The following DCC variants were observed in gnomAD, a reference collection of about 807,000 sequenced individuals.
DCC encodes netrin receptor DCC.
Under a neutral mutation model 172.5 loss-of-function variants are expected in DCC, and 58 were observed. That is an observed-to-expected ratio of 0.34 (90% CI 0.27 to 0.42). DCC has a LOEUF of 0.42. DCC is among the 10% of genes least tolerant of loss of function. DCC has a pLI of 1.00. For synonymous variants in DCC, 709 were observed against 644.5 expected (o/e 1.10, Z -1.52); for missense variants, 1,740 against 1,791.0 (o/e 0.97, Z 0.51).
intron 8 of DCC, among the ~76,000 whole-genome samples, chr18:53,174,770 C>T (rs926271408): frequency 1.2e-4 from 18 of 150,118 alleles, no homozygotes; most frequent in Admixed American, 4.0e-4. Flanking sequence ...AGTACCATTC[C>T]TTCTGAAACT....
chr18:53,396,069 A>G (rs1427143539), intron 17 of DCC, among the ~76,000 whole-genome samples: 1 of 152,064 alleles, frequency 6.6e-6, no homozygotes, highest in Non-Finnish European at 1.5e-5. Context: ...GAAATATACA[A>G]TTTTCATAAC....
chr18:53,415,731 A>G (rs1910274880), intron 20 of DCC, among the ~76,000 whole-genome samples: 1 of 152,094 alleles, frequency 6.6e-6, no homozygotes, highest in South Asian at 2.1e-4. Flanking sequence ...AGTTGTTTAA[A>G]AAATAGTCAC....
At chr18:52,402,068 A>G (rs546672629) in intron 1 of DCC, among the ~76,000 whole-genome samples, 1 of 152,108 alleles carries the variant, frequency 6.6e-6, no homozygotes, top group Non-Finnish European at 1.5e-5. Context: ...ATTACTTGTC[A>G]AGGGTTGCAT....
rs747096336 is a variant in DCC, at chr18:53,425,357, C to CTT, written c.3163+9220_3163+9221dup. On this transcript the variant is annotated intron_variant, in intron 21 of 28. Coordinates refer to ENST00000442544, the MANE Select transcript of DCC (RefSeq NM_005215.4). ...CCACAATTTTCCCCGTTTCTCCTCTCTTTTTTTTTTTTTTTTTTTTGAGAC... is the reference window on the plus strand; with the variant it reads ...CCACAATTTTCCCCGTTTCTCCTCTCTTTTTTTTTTTTTTTTTTTTTTGAGAC... Among the ~76,000 whole-genome samples the CTT allele has an allele frequency of 8.1e-3, 828 of 101,604 alleles. 51 individuals are homozygous for CTT. The East Asian group carries it at 0.16, about 20-fold the overall frequency. 66.7% of individuals were successfully genotyped at this position (101,604 alleles called of 152,430 possible). A position where few individuals can be genotyped will look rare whatever the true frequency, so the allele number is the denominator to read the frequency against.
intron 15 of DCC, among the ~76,000 whole-genome samples, chr18:53,359,727 T>G (rs1336083541): frequency 6.6e-6 from 1 of 152,196 alleles, no homozygotes; most frequent in East Asian, 1.9e-4. Flanking sequence ...CCCTAGGAAG[T>G]TCTGCCCTAC....
At chr18:52,593,842 CCT>C (rs2033852626) in intron 1 of DCC, among the ~76,000 whole-genome samples, 2 of 152,300 alleles carry the variant, frequency 1.3e-5, no homozygotes, top group South Asian at 4.1e-4. Flanking sequence ...CAAAATCACC[CCT>C]CTCAGGTTGA....
At chr18:52,642,062 G>T (rs1436465923) in intron 1 of DCC, among the ~76,000 whole-genome samples, 1 of 5,550 alleles carries the variant, frequency 1.8e-4, no homozygotes, top group African/African-American at 3.5e-4. Flanking sequence ...GTGTGTGTGT[G>T]TATATATATA....
intron 7 of DCC, among the ~76,000 whole-genome samples, chr18:53,145,132 T>TTTTTTTG (rs2043888924): frequency 7.3e-6 from 1 of 137,818 alleles, no homozygotes; most frequent in Non-Finnish European, 1.5e-5. Flanking sequence ...TTTTTTTTTT[T>TTTTTTTG]GAGACCGACT....
At chr18:53,071,639 G>C (rs961801075) in intron 7 of DCC, among the ~76,000 whole-genome samples, 6 of 152,190 alleles carry the variant, frequency 3.9e-5, no homozygotes, top group Non-Finnish European at 1.5e-5. Flanking sequence ...AGTTAATTCA[G>C]TTTAGTTGAT....
intron 2 of DCC, among the ~76,000 whole-genome samples, chr18:52,819,505 A>G (rs2038365146): frequency 6.6e-6 from 1 of 152,184 alleles, no homozygotes; most frequent in Non-Finnish European, 1.5e-5. Flanking sequence ...GAACATAATG[A>G]TTCATGTGGT....
At chr18:52,619,305 C>G (rs1029153510) in intron 1 of DCC, among the ~76,000 whole-genome samples, 10 of 152,108 alleles carry the variant, frequency 6.6e-5, no homozygotes, top group African/African-American at 1.4e-4. Context: ...AGCTAGTATC[C>G]CTGCTAGATA....
intron 25 of DCC, among the ~76,000 whole-genome samples, chr18:53,468,690 C>A (rs762814867): frequency 6.6e-6 from 1 of 152,094 alleles, no homozygotes; most frequent in Non-Finnish European, 1.5e-5. Flanking sequence ...TCCTCCATAG[C>A]TTTTTAAATA....
At chr18:52,681,611 A>T (rs938324627) in intron 1 of DCC, among the ~76,000 whole-genome samples, 15 of 152,252 alleles carry the variant, frequency 9.9e-5, no homozygotes, top group South Asian at 4.1e-4. Context: ...AACGTATATT[A>T]AATATCAAAG....
chr18:52,909,701 A>C (rs557614149), intron 3 of DCC, among the ~76,000 whole-genome samples: 1 of 152,218 alleles, frequency 6.6e-6, no homozygotes, highest in African/African-American at 2.4e-5. Flanking sequence ...CACTTTATTC[A>C]TTACGTAAAT....
chr18:53,377,901 G>T (rs1244499970), intron 15 of DCC, among the ~76,000 whole-genome samples: 3 of 152,162 alleles, frequency 2.0e-5, no homozygotes, highest in African/African-American at 7.2e-5. Flanking sequence ...CAGCAAAACT[G>T]CCACCTTCAC....
At chr18:53,235,029 A>G (rs2056180989) in intron 12 of DCC, among the ~76,000 whole-genome samples, 2 of 152,152 alleles carry the variant, frequency 1.3e-5, no homozygotes, top group South Asian at 2.1e-4. Context: ...GCCAATTTCC[A>G]TTCTTTTCAT....
intron 3 of DCC, among the ~76,000 whole-genome samples, chr18:52,906,842 A>G (rs571152081): frequency 2.8e-3 from 220 of 77,402 alleles, no homozygotes; most frequent in Non-Finnish European, 3.5e-3. Context: ...TACTTTGTTT[A>G]TTTTACAGGG....
chr18:53,376,230 G>A (rs889714143), intron 15 of DCC, among the ~76,000 whole-genome samples: 3 of 151,776 alleles, frequency 2.0e-5, no homozygotes, highest in Non-Finnish European at 4.4e-5. Context: ...TGTCTCTACT[G>A]AAAATCAGCC....
chr18:53,495,805 T>A lies in DCC; in HGVS notation c.3899-3493T>A, dbSNP rs143903259. ...TATAGTCCCATATGTTTTGGAGGCTTTGTTCATTTCTTTTCACTCTTTTTG... is the reference window on the plus strand; with the variant it reads ...TATAGTCCCATATGTTTTGGAGGCTATGTTCATTTCTTTTCACTCTTTTTG... On this transcript the variant is annotated intron_variant, in intron 26 of 28. Transcript: ENST00000442544. Among the ~76,000 whole-genome samples the A allele has an allele frequency of 4.6e-3, 695 of 152,310 alleles. 11 individuals carry two copies. Among genetic ancestry groups the A allele is most frequent in the Middle Eastern group, 0.014 (4 of 294 alleles).
Sources: allele counts gnomAD v4.1 joint callset (sites outside exome capture counted in the v4.1 genomes callset), GRCh38; gene constraint gnomAD v4.1.1; transcripts MANE v1.5; gene names NCBI Gene and HGNC (gene_info 2026-07-23, HGNC 2026-07-21).